Variants in MIGA2 observed in about 807,000 individuals in gnomAD.
MIGA2 encodes the protein mitoguardin 2, also known as family with sequence similarity 73, member B.
MIGA2 carries 36 observed loss-of-function variants against 69.9 expected under a neutral mutation model. The observed-to-expected ratio is 0.52, with a 90% confidence interval of 0.39 to 0.68. The LOEUF (loss-of-function observed/expected upper bound fraction) is 0.68. Ranked by LOEUF, MIGA2 falls within the 30% of genes least tolerant of loss-of-function variation. The pLI is 0.00. For synonymous variants in MIGA2, 333 were observed against 349.2 expected, an observed-to-expected ratio of 0.95 and a Z score of 0.52; for missense variants, 660 against 787.7, an observed-to-expected ratio of 0.84 and a Z score of 1.94.
intron 2 of MIGA2, 87 bp from the exon 3 acceptor site, chr9:129,042,217 C>T (rs946129790): frequency 8.1e-5 from 108 of 1,327,786 alleles, no homozygotes; most frequent in Middle Eastern, 5.3e-4. Context: ...CGGTGTGTGT[C>T]CCGTCCCTGA....
At chr9:129,057,382 C>T (rs886540638) in intron 6 of MIGA2, among the ~76,000 whole-genome samples, 2 of 151,884 alleles carry the variant, frequency 1.3e-5, no homozygotes, top group African/African-American at 4.8e-5. Flanking sequence ...CAAGCTCCCC[C>T]TCCCGGGTTC....
chr9:129,061,817 G>A lies in MIGA2; in HGVS notation c.1010+471G>A, dbSNP rs964923052. Among the ~76,000 whole-genome samples the A allele has an allele frequency of 1.3e-5, 2 of 152,180 alleles. No homozygotes were observed. Among genetic ancestry groups the A allele is most frequent in the Admixed American group, 1.3e-4 (2 of 15,264 alleles). ...CGCAGTGTCTGGACACAGCTCCTCT[G>A]TAGGAGAGGTCAGGTACCCAGGCTG... is the stretch of plus-strand genomic sequence containing the variant. On this transcript the variant is annotated intron_variant, in intron 9 of 15. Transcript: ENST00000684074. The surrounding 1 kb of genome is among the most constrained non-coding windows in gnomAD (Gnocchi z 5.0).
At chr9:129,067,986 T>A in intron 12 of MIGA2, 115 bp downstream of exon 12, 1 of 1,313,914 alleles carries the variant, frequency 7.6e-7, no homozygotes, top group Non-Finnish European at 1.1e-6. Flanking sequence ...GTTCCATCAC[T>A]GCTCATAGTC....
At position 129,060,783 on chromosome 9, in the gene MIGA2, G is replaced by A. The variant is rs762300873; in HGVS notation, c.894+133G>A. The A allele has an allele frequency of 1.6e-4, 119 of 740,546 alleles. No homozygotes were observed. The highest frequency in any genetic ancestry group is 2.2e-4 in the Non-Finnish European group (100 of 460,408). The allele number at this position is 740,546 out of a possible 1,614,324, so 45.9% of individuals were successfully genotyped here. On this transcript the variant is annotated intron_variant, in intron 8 of 15. Coordinates refer to ENST00000684074, the MANE Select transcript of MIGA2 (RefSeq NM_001329990.2). The surrounding 1 kb of genome is among the most constrained non-coding windows in gnomAD (Gnocchi z 4.8). ...TGGGAGAATTTGGATGCTCCCACGG[G>A]CCTCCTCGAAGCTGTTGGGGATGGG...
intron 3 of MIGA2, among the ~76,000 whole-genome samples, chr9:129,044,728 T>A (rs939332766): frequency 8.6e-5 from 13 of 151,976 alleles, no homozygotes; most frequent in Non-Finnish European, 1.6e-4. Context: ...AATTTCTGTA[T>A]TTTTGGTAGG....
chr9:129,068,189 C>A lies in MIGA2; in HGVS notation c.1270-9C>A. 1 of 1,613,708 alleles carries A rather than the reference C, an allele frequency of 6.2e-7. No homozygotes were observed. The highest frequency in any genetic ancestry group is 8.5e-7 in the Non-Finnish European group (1 of 1,180,004). On this transcript the variant is annotated splice_polypyrimidine_tract_variant and intron_variant, in intron 12 of 15. Coordinates refer to ENST00000684074, the MANE Select transcript of MIGA2 (RefSeq NM_001329990.2). This position sits in a 1 kb window ranked among gnomAD's most constrained non-coding sequence, Gnocchi z 4.1. Reference sequence around the variant, plus strand: ...CCATGCATGAGCCTCCCGGGGGCACCCTCTGTAGGTGGTATGCATGAGCTT... The same window carrying A: ...CCATGCATGAGCCTCCCGGGGGCACACTCTGTAGGTGGTATGCATGAGCTT...
Position 129,063,296 on chromosome 9 carries a change from T to C in MIGA2, c.1063T>C (p.Cys355Arg), listed in dbSNP as rs760829599. 1.2e-6 allele frequency: 2 copies of C among 1,614,066 alleles called. No homozygotes were observed. Among genetic ancestry groups the C allele is most frequent in the East Asian group, 4.5e-5 (2 of 44,882 alleles). ...SDQDFLAKLHCVRQAFEGLLE... is the reference protein window; with the variant it reads ...SDQDFLAKLHRVRQAFEGLLE... The stretch of plus-strand genomic sequence containing the variant: ...CCAGGACTTTCTGGCCAAGCTGCAC[T>C]GTGTGCGGCAGGCCTTCGAGGTGGG... The change falls in exon 10 of 16, where the codon TGT (cysteine) becomes CGT (arginine). Residue 355 changes from cysteine to arginine, a missense_variant. Cys to Arg is a radical substitution (Grantham distance 180). Coordinates refer to ENST00000684074, the MANE Select transcript of MIGA2 (RefSeq NM_001329990.2).
At chr9:129,057,139 C>T (rs371954583) in intron 6 of MIGA2, among the ~76,000 whole-genome samples, 126 of 152,280 alleles carry the variant, frequency 8.3e-4, no homozygotes, top group African/African-American at 2.8e-3. Flanking sequence ...GTGCTCACTT[C>T]TCTTCCATAC....
chr9:129,042,099 G>C (rs1564599915), intron 2 of MIGA2: 1 of 598,082 alleles, frequency 1.7e-6, no homozygotes, highest in Non-Finnish European at 3.1e-6. Flanking sequence ...CTGGCATCTT[G>C]CCATCTTTAT....
intron 6 of MIGA2, among the ~76,000 whole-genome samples, chr9:129,055,796 C>A (rs1475494064): frequency 6.7e-6 from 1 of 149,240 alleles, no homozygotes; most frequent in Non-Finnish European, 1.5e-5. Context: ...CTGCAGTGAG[C>A]TGAGATTGCA....
Position 129,068,166 on chromosome 9 carries a change from A to C in MIGA2, c.1270-32A>C, listed in dbSNP as rs1283391828. 7.4e-6 allele frequency: 12 copies of C among 1,613,430 alleles called. No individual in the cohort carries two copies. Among genetic ancestry groups the C allele is most frequent in the Non-Finnish European group, 1.0e-5 (12 of 1,179,938 alleles). On this transcript the variant is annotated intron_variant, in intron 12 of 15. Coordinates refer to ENST00000684074, the MANE Select transcript of MIGA2 (RefSeq NM_001329990.2). This position sits in a 1 kb window ranked among gnomAD's most constrained non-coding sequence, Gnocchi z 4.1. ...GCCCCGAGGCTCCGGCAGTGCCCCCATGCATGAGCCTCCCGGGGGCACCCT... is the reference window on the plus strand; with the variant it reads ...GCCCCGAGGCTCCGGCAGTGCCCCCCTGCATGAGCCTCCCGGGGGCACCCT...
At chr9:129,058,351 T>C (rs111600774) in intron 6 of MIGA2, among the ~76,000 whole-genome samples, 165 of 149,662 alleles carry the variant, frequency 1.1e-3, no homozygotes, top group South Asian at 2.1e-3. Context: ...TGTGGTTAGA[T>C]GTGATTGCGC....
At chr9:129,063,067 C>T in intron 9 of MIGA2, 177 bp from the exon 10 acceptor site, 1 of 627,868 alleles carries the variant, frequency 1.6e-6, no homozygotes, top group Non-Finnish European at 2.8e-6. Context: ...GTCCTTTGGC[C>T]TGGGAAGACC....
intron 3 of MIGA2, among the ~76,000 whole-genome samples, chr9:129,043,137 T>G (rs1474936979): frequency 6.6e-6 from 1 of 150,912 alleles, no homozygotes; most frequent in Non-Finnish European, 1.5e-5. Flanking sequence ...GAGCTTGCAG[T>G]GAGCCGAGAT....
chr9:129,042,340 C>T lies in MIGA2; in HGVS notation c.133C>T (p.Arg45Trp), dbSNP rs138758410. The T allele has an allele frequency of 5.6e-6, 9 of 1,612,834 alleles. No homozygotes were observed. The highest frequency in any genetic ancestry group is 2.0e-4 in the Middle Eastern group (1 of 5,070). ...FSQLRLTPGL[R>W]KVLFATALGT... ...CCAGCTACGGTTGACGCCAGGCCTGCGGAAAGTCCTCTTTGCCACGGCCCT... is the reference window on the plus strand; with the variant it reads ...CCAGCTACGGTTGACGCCAGGCCTGTGGAAAGTCCTCTTTGCCACGGCCCT... Residue 45 changes from arginine to tryptophan, a missense_variant, in exon 3 of 16, where the codon CGG becomes TGG. Coordinates refer to ENST00000684074, the MANE Select transcript of MIGA2 (RefSeq NM_001329990.2).
Position 129,069,741 on chromosome 9 carries a change from C to T in MIGA2, c.1459-108C>T. 1.3e-6 allele frequency: 1 copy of T among 798,884 alleles called. No homozygotes were observed. The allele number at this position is 798,884 out of a possible 1,614,324, so 49.5% of individuals were successfully genotyped here. On this transcript the variant is annotated intron_variant, in intron 14 of 15. Transcript: ENST00000684074. This position sits in a 1 kb window ranked among gnomAD's most constrained non-coding sequence, Gnocchi z 4.9. ...CCCAGGGTCATCTAGCAGGAAAGTA[C>T]ATGAGCTGGGGCGACCTCTAAAGCC... is the stretch of plus-strand genomic sequence containing the variant.
chr9:129,062,395 G>T (rs1206848599), intron 9 of MIGA2, among the ~76,000 whole-genome samples: 6 of 151,748 alleles, frequency 4.0e-5, no homozygotes, highest in South Asian at 4.1e-4. Flanking sequence ...AGCTGGGCAT[G>T]GTGGCACATA....
rs751233457 is a variant in MIGA2 at position 129,070,461 on chromosome 9, A to G, written c.*8A>G. ...CTGGGGGAGCTGCAGTAGAGGCGGC[A>G]CGGGCTGGGGGGTGGCAGAGAGAAG... On this transcript the variant is annotated 3_prime_UTR_variant, in exon 16 of 16. Transcript: ENST00000684074. 4.4e-5 allele frequency: 68 copies of G among 1,547,940 alleles called. No individual in the cohort carries two copies. The highest frequency in any genetic ancestry group is 5.2e-5 in the Non-Finnish European group (60 of 1,144,490).
chr9:129,061,734 AC>A lies in MIGA2; in HGVS notation c.1010+389del. Among the ~76,000 whole-genome samples, 1 of 152,156 alleles carries A rather than the reference AC, an allele frequency of 6.6e-6. No individual in the cohort carries two copies. The highest frequency in any genetic ancestry group is 1.9e-4 in the East Asian group (1 of 5,190). Reference sequence around the variant, plus strand: ...GATTTACTAAGCATTCCATATGAAAACAAAAGTAAATTCTCAGCGGGTACAG... The same window carrying A: ...GATTTACTAAGCATTCCATATGAAAAAAAAGTAAATTCTCAGCGGGTACAG... On this transcript the variant is annotated intron_variant, in intron 9 of 15. Transcript: ENST00000684074. This position sits in a 1 kb window ranked among gnomAD's most constrained non-coding sequence, Gnocchi z 5.0.
Sources: allele counts gnomAD v4.1 joint callset (sites outside exome capture counted in the v4.1 genomes callset), GRCh38; gene constraint gnomAD v4.1.1; non-coding constraint Gnocchi (gnomAD v3.1); transcripts MANE v1.5; gene names NCBI Gene and HGNC (gene_info 2026-07-23, HGNC 2026-07-21).